HNF4G: variants seen among roughly 807,000 people sequenced by gnomAD.
HNF4G encodes hepatocyte nuclear factor 4-gamma.
A neutral mutation model predicts 50.9 loss-of-function variants in HNF4G; 21 were observed. The observed-to-expected ratio is 0.41, with a 90% CI of 0.29 to 0.59. The LOEUF is 0.59. Ranked by LOEUF, HNF4G falls within the 20% of genes least tolerant of loss-of-function variation. The pLI is 0.26. For missense variants in HNF4G, 527 were observed against 559.4 expected, an observed-to-expected ratio of 0.94 and a Z score of 0.58; for synonymous variants, 198 against 185.6, an observed-to-expected ratio of 1.07 and a Z score of -0.54.
At chr8:75,549,543 C>T (rs900584133) in intron 3 of HNF4G, among the ~76,000 whole-genome samples, 3 of 150,142 alleles carry the variant, frequency 2.0e-5, no homozygotes, top group Admixed American at 6.6e-5. Context: ...CAAAAACTCA[C>T]TCTTTCTTTT....
chr8:75,441,207 A>G (rs1811273625), intron 1 of HNF4G, among the ~76,000 whole-genome samples: 1 of 151,218 alleles, frequency 6.6e-6, no homozygotes, highest in South Asian at 2.1e-4. Flanking sequence ...CCTTGTAACA[A>G]ATTTTTAATT....
At chr8:75,481,981 G>A (rs969316741) in intron 1 of HNF4G, among the ~76,000 whole-genome samples, 18 of 152,066 alleles carry the variant, frequency 1.2e-4, no homozygotes, top group African/African-American at 1.4e-4. Context: ...GGAAATGTTC[G>A]ATAGCCTTTG....
chr8:75,501,413 C>T (rs1055074570), intron 2 of HNF4G, among the ~76,000 whole-genome samples: 42 of 152,264 alleles, frequency 2.8e-4, no homozygotes, highest in African/African-American at 1.0e-3. Context: ...TGCACTCCAG[C>T]CCAGCTGACA....
intron 1 of HNF4G, among the ~76,000 whole-genome samples, chr8:75,475,663 G>T (rs1298478357): frequency 4.6e-5 from 7 of 152,110 alleles, no homozygotes; most frequent in South Asian, 2.1e-4. Flanking sequence ...ATGGCTTATG[G>T]ATCAGTTATA....
At chr8:75,554,051 A>T (rs187375786) in intron 5 of HNF4G, among the ~76,000 whole-genome samples, 1 of 152,104 alleles carries the variant, frequency 6.6e-6, no homozygotes, top group African/African-American at 2.4e-5. Flanking sequence ...TAACCAGTGT[A>T]TATTTATTTT....
At chr8:75,469,674 C>A (rs1812069644) in intron 1 of HNF4G, among the ~76,000 whole-genome samples, 1 of 152,090 alleles carries the variant, frequency 6.6e-6, no homozygotes, top group Non-Finnish European at 1.5e-5. Context: ...AACAGGCACC[C>A]ATAATTTTAT....
intron 2 of HNF4G, among the ~76,000 whole-genome samples, chr8:75,509,786 T>A (rs1008980104): frequency 1.3e-5 from 2 of 152,176 alleles, no homozygotes; most frequent in Non-Finnish European, 2.9e-5. Context: ...ATGTTTGTGG[T>A]GATGCTGGTG....
chr8:75,547,438 A>G, intron 2 of HNF4G, 149 bp from the exon 3 acceptor site: 1 of 585,156 alleles, frequency 1.7e-6, no homozygotes, highest in Non-Finnish European at 3.1e-6. Flanking sequence ...ATGCTGATTG[A>G]GAGACTGGAA....
intron 1 of HNF4G, among the ~76,000 whole-genome samples, chr8:75,488,850 C>T (rs1812554325): frequency 6.6e-6 from 1 of 152,090 alleles, no homozygotes; most frequent in Non-Finnish European, 1.5e-5. Flanking sequence ...GGCACTGTTT[C>T]ATCCTCGGTT....
intron 2 of HNF4G, among the ~76,000 whole-genome samples, chr8:75,498,939 A>T (rs1812852495): frequency 6.6e-6 from 1 of 152,070 alleles, no homozygotes; most frequent in Non-Finnish European, 1.5e-5. Context: ...CAAACATCAA[A>T]CAAATGCTGA....
intron 1 of HNF4G, among the ~76,000 whole-genome samples, chr8:75,448,908 C>T (rs1157242055): frequency 6.6e-5 from 10 of 152,014 alleles, no homozygotes; most frequent in Admixed American, 6.6e-4. Flanking sequence ...ATTTAGCTCC[C>T]TAAAATGCAA....
intron 1 of HNF4G, among the ~76,000 whole-genome samples, chr8:75,424,559 T>A (rs75824735): frequency 6.6e-6 from 1 of 152,060 alleles, no homozygotes; most frequent in South Asian, 2.1e-4. Flanking sequence ...CCTTTTGGAG[T>A]TCCCAGAGTC....
At chr8:75,523,942 T>C (rs1299838708) in intron 2 of HNF4G, among the ~76,000 whole-genome samples, 1 of 151,920 alleles carries the variant, frequency 6.6e-6, no homozygotes, top group Non-Finnish European at 1.5e-5. Flanking sequence ...GAAGACACCT[T>C]ATATGGGGTA....
intron 2 of HNF4G, among the ~76,000 whole-genome samples, chr8:75,546,344 G>T (rs150418837): frequency 3.3e-5 from 5 of 152,196 alleles, no homozygotes; most frequent in African/African-American, 1.2e-4. Flanking sequence ...ATCAAGCTTA[G>T]ATTTAATTTC....
At chr8:75,442,615 G>A (rs1352907959) in intron 1 of HNF4G, among the ~76,000 whole-genome samples, 1 of 151,830 alleles carries the variant, frequency 6.6e-6, no homozygotes, top group Non-Finnish European at 1.5e-5. Flanking sequence ...GTTAAAAATA[G>A]GAAGACATTC....
intron 1 of HNF4G, among the ~76,000 whole-genome samples, chr8:75,540,845 A>ATGTGTG (rs1428053562): frequency 1.2e-3 from 114 of 93,300 alleles, no homozygotes; most frequent in African/African-American, 4.6e-3. Flanking sequence ...ACTTTGGAAA[A>ATGTGTG]TGTGTATGTG....
rs541889973 is a variant in HNF4G, at chr8:75,492,903, G to A, written c.-24+2695G>A. Among the ~76,000 whole-genome samples the A allele has an allele frequency of 2.1e-4, 32 of 152,136 alleles. No individual in the cohort carries two copies. The South Asian group carries it at 6.6e-3, about 32-fold the overall frequency. ...TCTGCCTTTTCCCTTTTTGGAGCAG[G>A]GAGAGTGCAGTTCTCTGAACAATAA... On this transcript the variant is annotated intron_variant, in intron 2 of 10. Transcript: ENST00000354370.
intron 9 of HNF4G, among the ~76,000 whole-genome samples, chr8:75,562,218 G>A (rs979678331): frequency 1.3e-5 from 2 of 152,036 alleles, no homozygotes; most frequent in Non-Finnish European, 2.9e-5. Flanking sequence ...GGTAGGGAAC[G>A]TAGAAGCCAT....
At chr8:75,412,082 A>G (rs1810515605) in intron 1 of HNF4G, among the ~76,000 whole-genome samples, 1 of 152,182 alleles carries the variant, frequency 6.6e-6, no homozygotes, top group African/African-American at 2.4e-5. Context: ...TTATATTTAT[A>G]TACACAAAGT....
Sources: allele counts gnomAD v4.1 joint callset (sites outside exome capture counted in the v4.1 genomes callset), GRCh38; gene constraint gnomAD v4.1.1; transcripts MANE v1.5; gene names NCBI Gene and HGNC (gene_info 2026-07-23, HGNC 2026-07-21).